The following RPN2 variants were observed in gnomAD, a reference collection of about 807,000 sequenced individuals.
RPN2 encodes dolichyl-diphosphooligosaccharide--protein glycosyltransferase subunit 2.
In RPN2, 29 loss-of-function variants were observed where a neutral mutation model predicts 71.4. The observed-to-expected ratio is 0.41, with a 90% CI of 0.30 to 0.55. RPN2 has a LOEUF of 0.55. RPN2 is among the 20% of genes least tolerant of loss of function. RPN2 has a pLI of 0.35. For synonymous variants in RPN2, 308 were observed against 305.0 expected, an observed-to-expected ratio of 1.01 and a Z score of -0.10; for missense variants, 726 against 774.1, an observed-to-expected ratio of 0.94 and a Z score of 0.74.
intron 16 of RPN2, among the ~76,000 whole-genome samples, chr20:37,240,600 C>A (rs2068525504): frequency 6.6e-6 from 1 of 152,222 alleles, no homozygotes; most frequent in Non-Finnish European, 1.5e-5. Flanking sequence ...TCACTGCAGT[C>A]ACCTCCTCAG....
At position 37,232,249 on chromosome 20, in the gene RPN2, A is replaced by G. The variant is rs2068267712; in HGVS notation, c.1582-47A>G. On this transcript the variant is annotated intron_variant, in intron 13 of 16. Transcript: ENST00000237530. The stretch of plus-strand genomic sequence containing the variant: ...GTCCCCGGTATACATGGCTGCCCCT[A>G]CTGGGAAGGGCACATTCTTAAGTCT... 4.4e-6 allele frequency: 7 copies of G among 1,603,586 alleles called. No individual in the cohort carries two copies. The South Asian group carries it at 4.4e-5, about 10-fold the overall frequency.
chr20:37,228,393 G>A (rs79035606), intron 11 of RPN2, among the ~76,000 whole-genome samples, 157 bp from the exon 12 acceptor site: 1,872 of 152,274 alleles, frequency 0.012, 37 homozygotes, highest in African/African-American at 0.043. Context: ...AGGGTGGCAT[G>A]GCCACTCCTT....
chr20:37,236,249 C>T (rs1236406862), intron 15 of RPN2, among the ~76,000 whole-genome samples: 2 of 151,986 alleles, frequency 1.3e-5, no homozygotes, highest in African/African-American at 2.4e-5. Flanking sequence ...TGGACCATTA[C>T]GCCTGACTAA....
intron 9 of RPN2, 38 bp downstream of exon 9, chr20:37,213,903 A>G (rs1568984381): frequency 4.2e-6 from 6 of 1,424,966 alleles, no homozygotes; most frequent in Non-Finnish European, 6.0e-6. Context: ...CCATGTTAGT[A>G]TATCCAAGGA....
At chr20:37,228,794 G>A (rs1214217701) in intron 12 of RPN2, 50 bp downstream of exon 12, 2 of 1,561,022 alleles carry the variant, frequency 1.3e-6, no homozygotes, top group Non-Finnish European at 1.8e-6. Context: ...TGTGCCCCAG[G>A]CACTGGTGGC....
At chr20:37,232,541 G>T in intron 14 of RPN2, 150 bp downstream of exon 14, 1 of 1,017,956 alleles carries the variant, frequency 9.8e-7, no homozygotes, top group Admixed American at 1.9e-5. Flanking sequence ...AGACATTTTA[G>T]AATGACCAAA....
intron 2 of RPN2, among the ~76,000 whole-genome samples, 167 bp from the exon 3 acceptor site, chr20:37,198,230 A>G (rs2067296090): frequency 6.6e-6 from 1 of 152,200 alleles, no homozygotes; most frequent in Admixed American, 6.5e-5. Flanking sequence ...GAAGTGAGCA[A>G]TTTTGGGTAA....
intron 9 of RPN2, among the ~76,000 whole-genome samples, chr20:37,221,357 G>A (rs1389879612): frequency 6.6e-6 from 1 of 151,932 alleles, no homozygotes; most frequent in Non-Finnish European, 1.5e-5. Flanking sequence ...CACCATGTCT[G>A]GCTAATTTTT....
Position 37,217,916 on chromosome 20 carries a change from A to G in RPN2, c.1092+4051A>G, listed in dbSNP as rs1246580560. On this transcript the variant is annotated intron_variant, in intron 9 of 16. Transcript: ENST00000237530. ...GCCTGGCTAATTTTTTTGTATTTTTAGTAGAGACGGGGTTTTGCCTTGTTG... is the reference window on the plus strand; with the variant it reads ...GCCTGGCTAATTTTTTTGTATTTTTGGTAGAGACGGGGTTTTGCCTTGTTG... Among the ~76,000 whole-genome samples the G allele has an allele frequency of 3.3e-5, 5 of 151,928 alleles. No homozygotes were observed. In the East Asian group the frequency reaches 9.8e-4, roughly 30 times the overall value.
intron 6 of RPN2, among the ~76,000 whole-genome samples, chr20:37,206,437 C>T (rs1295025198): frequency 6.6e-6 from 1 of 152,168 alleles, no homozygotes; most frequent in Admixed American, 6.5e-5. Context: ...TGGAGACAAA[C>T]AGTCCTACAT....
chr20:37,209,351 G>T (rs987850600), intron 7 of RPN2, among the ~76,000 whole-genome samples: 3 of 152,148 alleles, frequency 2.0e-5, no homozygotes, highest in Non-Finnish European at 4.4e-5. Flanking sequence ...TAGAGACGGG[G>T]TCTCACTGTA....
At chr20:37,197,003 G>T (rs2067270219) in intron 2 of RPN2, among the ~76,000 whole-genome samples, 1 of 152,144 alleles carries the variant, frequency 6.6e-6, no homozygotes, top group African/African-American at 2.4e-5. Context: ...GTGAACATCT[G>T]AGCAGAGTTG....
chr20:37,205,740 A>G (rs1160800739), intron 6 of RPN2, among the ~76,000 whole-genome samples: 2 of 152,138 alleles, frequency 1.3e-5, no homozygotes, highest in Non-Finnish European at 2.9e-5. Flanking sequence ...CCTTTGTCCT[A>G]AGTGTAGGAG....
intron 2 of RPN2, among the ~76,000 whole-genome samples, chr20:37,187,976 T>G (rs191050985): frequency 6.6e-6 from 1 of 152,146 alleles, no homozygotes; most frequent in East Asian, 1.9e-4. Context: ...GTTTTATATC[T>G]TCTATTGACT....
intron 4 of RPN2, 23 bp from the exon 5 acceptor site, chr20:37,203,862 G>A: frequency 6.4e-7 from 1 of 1,574,440 alleles, no homozygotes; most frequent in Non-Finnish European, 8.7e-7. Flanking sequence ...CCATTCATTG[G>A]GGTTCTACTC....
chr20:37,212,278 C>G (rs559425230), intron 8 of RPN2, among the ~76,000 whole-genome samples: 1 of 151,664 alleles, frequency 6.6e-6, no homozygotes, highest in East Asian at 1.9e-4. Flanking sequence ...GACTCTGTCT[C>G]AAAAACAAAA....
chr20:37,203,798 T>A, intron 4 of RPN2, 87 bp from the exon 5 acceptor site: 1 of 905,594 alleles, frequency 1.1e-6, no homozygotes, highest in Non-Finnish European at 1.8e-6. Context: ...AAGAGTAGGA[T>A]ATTTGTGAAA....
intron 9 of RPN2, among the ~76,000 whole-genome samples, chr20:37,221,592 A>T (rs984111782): frequency 6.6e-6 from 1 of 152,218 alleles, no homozygotes; most frequent in Non-Finnish European, 1.5e-5. Flanking sequence ...TTTCAGTAGG[A>T]TGATGATTTC....
At chr20:37,219,683 G>T (rs1241371737) in intron 9 of RPN2, among the ~76,000 whole-genome samples, 1 of 152,164 alleles carries the variant, frequency 6.6e-6, no homozygotes, top group East Asian at 1.9e-4. Context: ...TTTCTTAAAA[G>T]AATTTTATAC....
Sources: allele counts gnomAD v4.1 joint callset (sites outside exome capture counted in the v4.1 genomes callset), GRCh38; gene constraint gnomAD v4.1.1; transcripts MANE v1.5; gene names NCBI Gene and HGNC (gene_info 2026-07-23, HGNC 2026-07-21).